The following SPINT2 variants were observed in gnomAD, a reference collection of about 807,000 sequenced individuals.
SPINT2 encodes the protein serine peptidase inhibitor, Kunitz type 2, also known as kunitz-type protease inhibitor 2.
Under a neutral mutation model 30.1 loss-of-function variants are expected in SPINT2, and 18 were observed. The ratio of observed to expected loss-of-function variants is 0.60; its 90% CI spans 0.41 to 0.89. The LOEUF is 0.89. Among genes scored for constraint, SPINT2 ranks in the 40% least tolerant of loss-of-function variants. The pLI is 0.00. For missense variants in SPINT2, 276 were observed against 334.3 expected (o/e 0.83, Z 1.36); for synonymous variants, 139 against 137.9 (o/e 1.01, Z -0.05).
At chr19:38,275,630 C>T in intron 1 of SPINT2, among the ~76,000 whole-genome samples, 1 of 152,080 alleles carries the variant, frequency 6.6e-6, no homozygotes, top group East Asian at 1.9e-4. Flanking sequence ...ACTATGTTGC[C>T]CAGGCTGGTC....
chr19:38,281,266 TA>T (rs200816408), intron 1 of SPINT2, among the ~76,000 whole-genome samples: 7 of 151,580 alleles, frequency 4.6e-5, no homozygotes, highest in South Asian at 2.1e-4. Flanking sequence ...TGCCCCTATT[TA>T]AAAAAAAAAT....
chr19:38,270,244 G>A (rs1327205295), intron 1 of SPINT2, among the ~76,000 whole-genome samples: 2 of 152,306 alleles, frequency 1.3e-5, no homozygotes, highest in Admixed American at 6.5e-5. Flanking sequence ...TGGTGTTGGC[G>A]ATCAGCTGGG....
rs759924034 is a variant in SPINT2, at chr19:38,290,309, GC to G, written c.553+32del. ...AGTCTGCAGCCCCTCAGCCCAGGAA[GC>G]CCTGCCCTTGAGGACCCCGGTCCAT... On this transcript the variant is annotated intron_variant, in intron 5 of 6. Transcript: ENST00000301244. This position sits in a 1 kb window ranked among gnomAD's most constrained non-coding sequence, Gnocchi z 4.3. The G allele has an allele frequency of 4.4e-6, 7 of 1,608,508 alleles. No individual in the cohort carries two copies. The Admixed American group carries it at 1.0e-4, about 23-fold the overall frequency.
In SPINT2 at chr19:38,283,804, T is replaced by C. The variant is rs113839543; in HGVS notation, c.277+7T>C. 3,353 of 1,609,220 alleles carry C rather than the reference T, an allele frequency of 2.1e-3. 74 individuals are homozygous for C. The African/African-American group carries it at 0.041, about 20-fold the overall frequency. ...AAATGTGCCACTGTCACAGGTGAGA[T>C]GGCAGTAGTTGGAGCTTTTGTTTTT... On this transcript the variant is annotated splice_region_variant and intron_variant, in intron 2 of 6. Coordinates refer to ENST00000301244, the MANE Select transcript of SPINT2 (RefSeq NM_021102.4).
intron 2 of SPINT2, among the ~76,000 whole-genome samples, chr19:38,284,165 T>G (rs1183367817): frequency 6.6e-6 from 1 of 151,790 alleles, no homozygotes; most frequent in Non-Finnish European, 1.5e-5. Context: ...AGACAGGGTC[T>G]CACTGCAGCC....
In SPINT2 at chr19:38,289,169, C is replaced by A; in HGVS notation, c.369C>A (p.Ser123=). Residue 123 remains serine, a synonymous_variant, in exon 4 of 7, where the codon TCC becomes TCA. Transcript: ENST00000301244. ...GAAGGCAGGATTCTGAAGACCACTC[C>A]AGCGATATGTTCAACTATGAAGGTA... ...APRRQDSEDH[S]SDMFNYEEYC... is the part of the protein sequence containing the mutation. 6.2e-7 allele frequency: 1 copy of A among 1,613,972 alleles called. No individual in the cohort carries two copies. The highest frequency in any genetic ancestry group is 1.6e-4 in the Middle Eastern group (1 of 6,062).
chr19:38,291,212 G>A (rs1968714240), intron 6 of SPINT2: 1 of 166,222 alleles, frequency 6.0e-6, no homozygotes, highest in Non-Finnish European at 1.3e-5. Flanking sequence ...CAACTCTGCA[G>A]CTCCACAGCC....
At position 38,289,954 on chromosome 19, in the gene SPINT2, G is replaced by C. The variant is rs146606205; in HGVS notation, c.392-165G>C. ...CCGTCACCTGGACCCAAGGAGCAGC[G>C]CGTCAGAGCCGCTGCACTGGTCTTG... On this transcript the variant is annotated intron_variant, in intron 4 of 6. Transcript: ENST00000301244. 1,150 of 753,452 alleles carry C rather than the reference G, an allele frequency of 1.5e-3. 13 individuals are homozygous for C. The African/African-American group carries it at 0.018, about 12-fold the overall frequency. The allele number at this position is 753,452 out of a possible 1,614,324, so 46.7% of individuals were successfully genotyped here. A position where few individuals can be genotyped will look rare whatever the true frequency, so the allele number is the denominator to read the frequency against.
rs1354718901 is a variant in SPINT2, at chr19:38,292,040, G to T, written c.*34G>T. The T allele has an allele frequency of 3.1e-6, 5 of 1,611,958 alleles. No individual in the cohort carries two copies. The highest frequency in any genetic ancestry group is 4.2e-6 in the Non-Finnish European group (5 of 1,179,296). On this transcript the variant is annotated 3_prime_UTR_variant, in exon 7 of 7. Coordinates refer to ENST00000301244, the MANE Select transcript of SPINT2 (RefSeq NM_021102.4). The stretch of plus-strand genomic sequence containing the variant: ...TCGCCAAGAGGACTGGGGAAGGGAG[G>T]GGAGACTATGTGTGAGCTTTTTTTA...
Position 38,285,101 on chromosome 19 carries a change from G to A in SPINT2, c.277+1304G>A, listed in dbSNP as rs554127588. On this transcript the variant is annotated intron_variant, in intron 2 of 6. Transcript: ENST00000301244. ...ACCGATCAAGTTAAAACAAACATAC[G>A]TCCTGGAATCCATCCTCTTTGCGGC... 1.1e-4 allele frequency among the ~76,000 whole-genome samples: 16 copies of A among 152,224 alleles called. No homozygotes were observed. The South Asian group carries it at 1.7e-3, about 16-fold the overall frequency.
intron 1 of SPINT2, among the ~76,000 whole-genome samples, chr19:38,281,722 A>G (rs111744009): frequency 2.6e-4 from 40 of 152,188 alleles, no homozygotes; most frequent in African/African-American, 9.4e-4. Flanking sequence ...AAAAAAAAAA[A>G]TTATCATAAA....
Position 38,292,180 on chromosome 19 carries a change from AG to A in SPINT2, c.*176del, listed in dbSNP as rs1968730183. On this transcript the variant is annotated 3_prime_UTR_variant, in exon 7 of 7. Transcript: ENST00000301244. ...GATGGGTTTGCTTTGGAAATCCTCT[AG>A]GAGGCTCCTCCTCGCATGGCCTGCA... The A allele has an allele frequency of 1.2e-6, 1 of 854,878 alleles. No homozygotes were observed. Among genetic ancestry groups the A allele is most frequent in the Non-Finnish European group, 1.8e-6 (1 of 553,818 alleles). The allele number at this position is 854,878 out of a possible 1,614,324, so 53.0% of individuals were successfully genotyped here.
At chr19:38,284,816 C>T (rs1051293027) in intron 2 of SPINT2, among the ~76,000 whole-genome samples, 6 of 152,156 alleles carry the variant, frequency 3.9e-5, no homozygotes, top group South Asian at 2.1e-4. Flanking sequence ...AGAGCAATCT[C>T]GGTTCACTGC....
At chr19:38,278,677 C>T (rs891553041) in intron 1 of SPINT2, among the ~76,000 whole-genome samples, 3 of 152,052 alleles carry the variant, frequency 2.0e-5, no homozygotes, top group Non-Finnish European at 4.4e-5. Flanking sequence ...TGGTGGGTGC[C>T]TGTAGTTCCA....
Position 38,264,869 on chromosome 19 carries a change from C to T in SPINT2, c.-24C>T, listed in dbSNP as rs1304864144. The T allele has an allele frequency of 2.6e-6, 4 of 1,531,740 alleles. No homozygotes were observed. Among genetic ancestry groups the T allele is most frequent in the Middle Eastern group, 2.2e-4 (1 of 4,464 alleles). 94.9% of individuals were successfully genotyped at this position (1,531,740 alleles called of 1,614,324 possible). A position where few individuals can be genotyped will look rare whatever the true frequency, so the allele number is the denominator to read the frequency against. ...AGACCCCAACGGCTGGTGGCGTCGC[C>T]TGCGCGTCTCGGCTGAGCTGGCCAT... is the stretch of plus-strand genomic sequence containing the variant. On this transcript the variant is annotated 5_prime_UTR_variant, in exon 1 of 7. Coordinates refer to ENST00000301244, the MANE Select transcript of SPINT2 (RefSeq NM_021102.4).
At chr19:38,291,708 C>G (rs1968721000) in intron 6 of SPINT2, 132 bp from the exon 7 acceptor site, 2 of 1,114,360 alleles carry the variant, frequency 1.8e-6, no homozygotes, top group African/African-American at 1.6e-5. Flanking sequence ...AGTTCTGGAC[C>G]CTGTCTGGGT....
intron 1 of SPINT2, 64 bp downstream of exon 1, chr19:38,265,062 G>C (rs952090764): frequency 2.2e-6 from 3 of 1,361,926 alleles, no homozygotes; most frequent in Non-Finnish European, 3.0e-6. Context: ...GGTCAACGGG[G>C]GTCTGAGCAG....
chr19:38,266,004 G>A (rs1391201201), intron 1 of SPINT2, among the ~76,000 whole-genome samples: 2 of 152,214 alleles, frequency 1.3e-5, no homozygotes, highest in African/African-American at 2.4e-5. Flanking sequence ...TGTTGGGGGC[G>A]GCTTTAGCTC....
chr19:38,267,637 C>T (rs948075224), intron 1 of SPINT2, among the ~76,000 whole-genome samples: 39 of 138,806 alleles, frequency 2.8e-4, no homozygotes, highest in Admixed American at 2.2e-3. Flanking sequence ...TAGGTGTGAC[C>T]CTGAGAGGAA....
Sources: gnomAD v4.1 joint callset for allele counts (sites outside exome capture counted in the v4.1 genomes callset) on GRCh38, gnomAD v4.1.1 for gene constraint, Gnocchi (gnomAD v3.1) non-coding constraint, MANE v1.5 for transcripts, NCBI Gene and HGNC (gene_info 2026-07-23, HGNC 2026-07-21) for gene names.